The following AVEN variants were observed in gnomAD, a reference collection of about 807,000 sequenced individuals.
The protein encoded by AVEN is apoptosis and caspase activation inhibitor.
Under a neutral mutation model 38.1 loss-of-function variants are expected in AVEN, and 41 were observed. The observed-to-expected ratio is 1.08, with a 90% CI of 0.84 to 1.40. The LOEUF (loss-of-function observed/expected upper bound fraction) is 1.40. Ranked by LOEUF, AVEN falls within the 40% of genes most tolerant of loss-of-function variation. The pLI, the probability that AVEN is intolerant of heterozygous loss-of-function variation, is 0.00. For synonymous variants in AVEN, 206 were observed against 171.8 expected, an observed-to-expected ratio of 1.20 and a Z score of -1.56; for missense variants, 605 against 438.8, an observed-to-expected ratio of 1.38 and a Z score of -3.38.
chr15:34,044,170 A>G (rs1899595455), upstream of AVEN, among the ~76,000 whole-genome samples: 1 of 151,688 alleles, frequency 6.6e-6, no homozygotes, highest in Non-Finnish European at 1.5e-5. Context: ...TTTTTATAGC[A>G]AAGTTCCTCA....
intron 2 of AVEN, among the ~76,000 whole-genome samples, chr15:33,905,827 A>G (rs1372874671): frequency 0.02 from 2 of 100 alleles, no homozygotes; most frequent in South Asian, 0.5. Context: ...TTCGGGAAAG[A>G]AAAAAAAAAA....
At chr15:33,980,434 T>C (rs907591623) in intron 2 of AVEN, among the ~76,000 whole-genome samples, 25 of 152,316 alleles carry the variant, frequency 1.6e-4, no homozygotes, top group African/African-American at 5.5e-4. Context: ...GTCCCACACA[T>C]GAACTCTCCA....
chr15:34,067,474 G>C (rs533454730), intron 2 of AVEN: 44 of 152,312 alleles, frequency 2.9e-4, no homozygotes, highest in African/African-American at 1.0e-3. Context: ...GTCCAATGCA[G>C]AGCATTTAAA....
chr15:33,893,435 G>A (rs765580842), intron 2 of AVEN, among the ~76,000 whole-genome samples: 2 of 152,222 alleles, frequency 1.3e-5, no homozygotes, highest in African/African-American at 2.4e-5. Flanking sequence ...TTTGCAGGGC[G>A]TGGTGGCTCA....
At chr15:33,984,480 G>A (rs1403097277) in intron 2 of AVEN, among the ~76,000 whole-genome samples, 1 of 151,466 alleles carries the variant, frequency 6.6e-6, no homozygotes, top group East Asian at 1.9e-4. Context: ...TCGGCTCACT[G>A]CAACCTCCAC....
intron 2 of AVEN, among the ~76,000 whole-genome samples, chr15:33,947,003 C>T (rs1894532986): frequency 6.6e-6 from 1 of 152,138 alleles, no homozygotes; most frequent in African/African-American, 2.4e-5. Context: ...AGCAGTTTCA[C>T]AATTTCCCCA....
intron 2 of AVEN, among the ~76,000 whole-genome samples, chr15:33,906,144 C>G (rs1393535883): frequency 6.6e-6 from 1 of 152,112 alleles, no homozygotes; most frequent in Admixed American, 6.6e-5. Flanking sequence ...ACTTACTGAA[C>G]AGAGCTGGAG....
chr15:33,940,385 G>A (rs1192931165), intron 2 of AVEN, among the ~76,000 whole-genome samples: 1 of 152,144 alleles, frequency 6.6e-6, no homozygotes, highest in Non-Finnish European at 1.5e-5. Context: ...CCTAAGTTGT[G>A]AAGTGCAAAT....
intron 2 of AVEN, among the ~76,000 whole-genome samples, chr15:33,992,368 C>G (rs1040897345): frequency 6.7e-6 from 1 of 150,180 alleles, no homozygotes; most frequent in Non-Finnish European, 1.5e-5. Context: ...CCAGCCTGCG[C>G]GACAGATCAG....
In AVEN at chr15:34,063,970, T is replaced by C. The variant is rs1362918745; in HGVS notation, n.1127-538A>G. On this transcript the variant is annotated intron_variant and non_coding_transcript_variant, in intron 4 of 11. Coordinates refer to the AVEN transcript ENST00000675287. The surrounding 1 kb of genome is among the most constrained non-coding windows in gnomAD (Gnocchi z 4.1). ...GCCAAGGAACCTTCAACGAAAGGCC[T>C]CAATCCCAACCCCAGCCATCAAATG... The C allele has an allele frequency of 6.2e-7, 1 of 1,614,148 alleles. No individual in the cohort carries two copies. The highest frequency in any genetic ancestry group is 2.2e-5 in the East Asian group (1 of 44,878).
downstream of AVEN, among the ~76,000 whole-genome samples, chr15:33,861,498 TAAACAAAGA>T (rs1280595999): frequency 4.0e-5 from 6 of 151,430 alleles, no homozygotes; most frequent in Non-Finnish European, 8.8e-5. Flanking sequence ...TTTTTAATCC[TAAACAAAGA>T]AAAATCTGTG....
At chr15:34,050,627 C>T (rs4275825) in intron 5 of AVEN, among the ~76,000 whole-genome samples, 20,297 of 152,020 alleles carry the variant, frequency 0.13, 2,318 homozygotes, top group East Asian at 0.34. Flanking sequence ...TGAAGACACA[C>T]ATAGGCTCAA....
intron 1 of AVEN, among the ~76,000 whole-genome samples, chr15:34,016,302 T>G (rs1313189530): frequency 6.6e-6 from 1 of 152,176 alleles, no homozygotes; most frequent in East Asian, 1.9e-4. Flanking sequence ...TAGAATGAAG[T>G]GCACAGTACT....
At chr15:33,931,660 C>T (rs942358030) in intron 2 of AVEN, among the ~76,000 whole-genome samples, 4 of 152,020 alleles carry the variant, frequency 2.6e-5, no homozygotes, top group Middle Eastern at 3.2e-3. Flanking sequence ...TGAGCCACCG[C>T]GCCCGGCCTG....
chr15:33,967,250 T>C (rs1359527389), intron 2 of AVEN, among the ~76,000 whole-genome samples: 1 of 152,138 alleles, frequency 6.6e-6, no homozygotes, highest in Non-Finnish European at 1.5e-5. Flanking sequence ...AAAATTCTAT[T>C]GGCTAACAAT....
chr15:34,034,894 A>C (rs1899045763), intron 1 of AVEN, among the ~76,000 whole-genome samples: 1 of 152,200 alleles, frequency 6.6e-6, no homozygotes, highest in Admixed American at 6.5e-5. Context: ...CTGGAAAAAA[A>C]GGAAAATAAA....
At chr15:33,937,540 A>T (rs535175028) in intron 2 of AVEN, among the ~76,000 whole-genome samples, 22 of 152,254 alleles carry the variant, frequency 1.4e-4, no homozygotes, top group African/African-American at 5.1e-4. Context: ...CTCAAAAAAA[A>T]AAAATAAATC....
chr15:34,023,935 A>G (rs1039991499), intron 1 of AVEN, among the ~76,000 whole-genome samples: 1 of 152,192 alleles, frequency 6.6e-6, no homozygotes, highest in East Asian at 1.9e-4. Context: ...CTATCCAGAG[A>G]GGAGCCCAGA....
chr15:34,038,822 G>A lies in AVEN; in HGVS notation c.225C>T (p.Ser75=), dbSNP rs755066340. ...CGCCCCAGCCTCCCGGCTCCCGGCG[G>A]CTGCCTCGCGGGGCGCCTCCTCCTC... is the stretch of plus-strand genomic sequence containing the variant. The part of the protein sequence containing the change: ...GRGGGGAPRG[S]RREPGGWGAG... Residue 75 remains serine (S), a synonymous_variant, in exon 1 of 6, where the codon AGC becomes AGT. Coordinates refer to ENST00000306730, the MANE Select transcript of AVEN (RefSeq NM_020371.3). The A allele has an allele frequency of 7.9e-5, 94 of 1,191,208 alleles. No individual in the cohort carries two copies. The African/African-American group carries it at 1.3e-3, about 16-fold the overall frequency. 73.8% of individuals were successfully genotyped at this position (1,191,208 alleles called of 1,614,324 possible). A position where few individuals can be genotyped will look rare whatever the true frequency, so the allele number is the denominator to read the frequency against.
Sources: gnomAD v4.1 joint callset for allele counts (sites outside exome capture counted in the v4.1 genomes callset) on GRCh38, gnomAD v4.1.1 for gene constraint, Gnocchi (gnomAD v3.1) non-coding constraint, MANE v1.5 for transcripts, NCBI Gene and HGNC (gene_info 2026-07-23, HGNC 2026-07-21) for gene names.